ASPG: variants seen among roughly 807,000 people sequenced by gnomAD.
ASPG encodes asparaginase.
ASPG carries 53 observed loss-of-function variants against 63.2 expected under a neutral mutation model. The observed-to-expected ratio is 0.84, with a 90% CI of 0.67 to 1.05. The LOEUF (loss-of-function observed/expected upper bound fraction) is 1.05. ASPG is among the 50% of genes least tolerant of loss of function. ASPG has a pLI of 0.00. For synonymous variants in ASPG, 370 were observed against 355.0 expected (o/e 1.04, Z -0.48); for missense variants, 741 against 794.4 (o/e 0.93, Z 0.81).
chr14:104,087,621 A>C (rs1008351478), intron 1 of ASPG, among the ~76,000 whole-genome samples: 1 of 152,114 alleles, frequency 6.6e-6, no homozygotes, highest in African/African-American at 2.4e-5. Flanking sequence ...CCGAGTGGGG[A>C]CAGGACCTGG....
intron 9 of ASPG, 192 bp downstream of exon 9, chr14:104,104,927 C>A: frequency 1.7e-6 from 1 of 596,600 alleles, no homozygotes; most frequent in African/African-American, 1.9e-5. Context: ...CCACAGCCCT[C>A]ACTGGACTCC....
At chr14:104,112,177 T>C (rs2037402394) in intron 15 of ASPG, among the ~76,000 whole-genome samples, 177 bp downstream of exon 15, 1 of 152,028 alleles carries the variant, frequency 6.6e-6, no homozygotes, top group Non-Finnish European at 1.5e-5. Context: ...GAACACAGTT[T>C]AGAGGTGAGG....
intron 12 of ASPG, among the ~76,000 whole-genome samples, chr14:104,108,112 C>A (rs1345521641): frequency 6.6e-6 from 1 of 152,132 alleles, no homozygotes; most frequent in African/African-American, 2.4e-5. Context: ...GGTTCCCCTC[C>A]CCAGCGGTGA....
chr14:104,111,191 A>G, intron 13 of ASPG: 1 of 984,222 alleles, frequency 1.0e-6, no homozygotes, highest in Middle Eastern at 5.2e-4. Flanking sequence ...GTGCATGTGT[A>G]GGTGTGTGCT....
intron 1 of ASPG, among the ~76,000 whole-genome samples, chr14:104,087,389 G>C (rs2036249386): frequency 6.6e-6 from 1 of 152,230 alleles, no homozygotes; most frequent in South Asian, 2.1e-4. Context: ...CTAGTCCCAG[G>C]GGCAGGATCT....
At chr14:104,103,765 C>T in intron 7 of ASPG, 90 bp downstream of exon 7, 1 of 1,153,952 alleles carries the variant, frequency 8.7e-7, no homozygotes, top group East Asian at 2.6e-5. Context: ...GGGGCCCTCA[C>T]CAGCCAGTGC....
chr14:104,086,078 G>A (rs1033603120), intron 1 of ASPG, among the ~76,000 whole-genome samples: 6 of 152,138 alleles, frequency 3.9e-5, no homozygotes, highest in Non-Finnish European at 7.4e-5. Flanking sequence ...CGGTGCTCCC[G>A]GGAGCGCCCT....
chr14:104,085,743 C>A lies in ASPG; in HGVS notation c.-28C>A. 6.4e-7 allele frequency: 1 copy of A among 1,556,620 alleles called. No homozygotes were observed. Among genetic ancestry groups the A allele is most frequent in the South Asian group, 1.2e-5 (1 of 85,076 alleles). On this transcript the variant is annotated 5_prime_UTR_variant, in exon 1 of 16. Transcript: ENST00000551177. The stretch of plus-strand genomic sequence containing the variant: ...GCCCTGCGTCCCCGCTGCACACCCC[C>A]GTCCACTCCCGTGGTCCCCGGTCCG...
rs989745161 is a variant in ASPG, at chr14:104,092,755, C to G, written c.191+14C>G. The G allele has an allele frequency of 6.5e-7, 1 of 1,530,938 alleles. No individual in the cohort carries two copies. Among genetic ancestry groups the G allele is most frequent in the African/African-American group, 1.4e-5 (1 of 73,034 alleles). 94.8% of individuals were successfully genotyped at this position (1,530,938 alleles called of 1,614,324 possible). On this transcript the variant is annotated intron_variant, in intron 2 of 15. Coordinates refer to ENST00000551177, the MANE Select transcript of ASPG (RefSeq NM_001080464.3). ...CCTGGTGCTACCGTGAGTGTGGGCT[C>G]CTCCCAGTCCCGGACAGGGCATGGC...
In ASPG at chr14:104,097,547, C is replaced by G. The variant is rs769369985; in HGVS notation, c.430-7C>G. 973 of 1,550,746 alleles carry G rather than the reference C, an allele frequency of 6.3e-4. 1 individual carries two copies. Among genetic ancestry groups the G allele is most frequent in the Non-Finnish European group, 7.7e-4 (878 of 1,147,300 alleles). On this transcript the variant is annotated splice_region_variant and splice_polypyrimidine_tract_variant and intron_variant, in intron 4 of 15. Coordinates refer to ENST00000551177, the MANE Select transcript of ASPG (RefSeq NM_001080464.3). The stretch of plus-strand genomic sequence containing the variant: ...AGGCCTCAGCTACTCCGTGGCCTCT[C>G]CCCCAGGTGCCCATCCATGCCCTGT...
Position 104,098,969 on chromosome 14 carries a change from T to C in ASPG, c.630T>C (p.Ala210=), listed in dbSNP as rs1596083552. 1 of 1,595,202 alleles carries C rather than the reference T, an allele frequency of 6.3e-7. No homozygotes were observed. The highest frequency in any genetic ancestry group is 1.1e-5 in the South Asian group (1 of 88,308). ...PNLLPLATVG[A]DITINRELVR... is the part of the protein sequence containing the mutation. ...TGCTGCCTCTGGCCACAGTGGGTGC[T>C]GACATCACAAGTAAGCCCCGCAGGA... The change falls in exon 6 of 16, where the codon GCT becomes GCC. Residue 210 remains alanine (A), a synonymous_variant. Transcript: ENST00000551177.
chr14:104,111,159 G>A, intron 13 of ASPG: 6 of 985,428 alleles, frequency 6.1e-6, no homozygotes, highest in Non-Finnish European at 7.2e-6. Flanking sequence ...TCATGTGTGT[G>A]TGCACATATG....
intron 1 of ASPG, among the ~76,000 whole-genome samples, chr14:104,092,429 G>A (rs2036395933): frequency 6.6e-6 from 1 of 152,182 alleles, no homozygotes; most frequent in African/African-American, 2.4e-5. Flanking sequence ...GGGCTCCAAG[G>A]CAGGAAGCCA....
chr14:104,088,969 A>G (rs2036291360), intron 1 of ASPG, among the ~76,000 whole-genome samples: 1 of 152,102 alleles, frequency 6.6e-6, no homozygotes, highest in African/African-American at 2.4e-5. Flanking sequence ...GAAAAGTAAT[A>G]CAAGTTACAA....
chr14:104,100,433 A>G (rs1744291), intron 6 of ASPG, among the ~76,000 whole-genome samples: 22,543 of 152,130 alleles, frequency 0.15, 2,541 homozygotes, highest in East Asian at 0.35. Context: ...TCAGCAGGAC[A>G]GGACAGAGGA....
chr14:104,093,384 G>A (rs1400348986), intron 2 of ASPG, 107 bp from the exon 3 acceptor site: 3 of 1,063,720 alleles, frequency 2.8e-6, no homozygotes, highest in East Asian at 2.4e-5. Context: ...TTGGCGTAGG[G>A]GCCCCAGCTC....
intron 12 of ASPG, chr14:104,108,418 C>A: frequency 1.0e-6 from 1 of 985,394 alleles, no homozygotes; most frequent in Non-Finnish European, 1.2e-6. Flanking sequence ...ACAGCACGCC[C>A]CCAACCGGTC....
rs2036787139 is a variant in ASPG at position 104,099,713 on chromosome 14, G to A, written c.640+734G>A. ...CACGCCAGCACCCCTCCCTGAGGCA[G>A]CGGGAGCATCCCCTCCCTCCTGGGA... On this transcript the variant is annotated intron_variant, in intron 6 of 15. Coordinates refer to ENST00000551177, the MANE Select transcript of ASPG (RefSeq NM_001080464.3). 6.6e-5 allele frequency among the ~76,000 whole-genome samples: 10 copies of A among 152,346 alleles called. 1 individual carries two copies. In the South Asian group the frequency reaches 2.1e-3, roughly 32 times the overall value.
rs1436620930 is a variant in ASPG, at chr14:104,085,768, G to T, written c.-3G>T. ...CGTCCACTCCCGTGGTCCCCGGTCC[G>T]GCATGGCGCGCGCGGTGGGGCCCGA... On this transcript the variant is annotated 5_prime_UTR_variant, in exon 1 of 16. Transcript: ENST00000551177. The T allele has an allele frequency of 1.9e-6, 3 of 1,576,912 alleles. No homozygotes were observed.
Sources: gnomAD v4.1 joint callset for allele counts (sites outside exome capture counted in the v4.1 genomes callset) on GRCh38, gnomAD v4.1.1 for gene constraint, MANE v1.5 for transcripts, NCBI Gene and HGNC (gene_info 2026-07-23, HGNC 2026-07-21) for gene names.